LAMA3: variants seen among roughly 807,000 people sequenced by gnomAD.
The protein encoded by LAMA3 is laminin subunit alpha 3, also known as laminin subunit alpha-3.
In LAMA3, 281 loss-of-function variants were observed where a neutral mutation model predicts 402.0. The observed-to-expected ratio is 0.70, with a 90% CI of 0.63 to 0.77. The LOEUF is 0.77. LAMA3 is among the 30% of genes least tolerant of loss of function. The probability of loss-of-function intolerance (pLI) is 0.00; values close to 1 mark genes in which losing one functional copy is unlikely to be tolerated. For synonymous variants in LAMA3, 1,431 were observed against 1,558.4 expected (o/e 0.92, Z 1.93); for missense variants, 3,840 against 4,215.5 (o/e 0.91, Z 2.47).
chr18:23,780,491 A>G (rs907258976), intron 11 of LAMA3, among the ~76,000 whole-genome samples: 13 of 152,222 alleles, frequency 8.5e-5, no homozygotes, highest in African/African-American at 2.6e-4. Flanking sequence ...CCGTGGGGCT[A>G]GGAGAGAGGG....
intron 2 of LAMA3, among the ~76,000 whole-genome samples, chr18:23,737,333 C>A (rs962432449): frequency 6.6e-6 from 1 of 152,200 alleles, no homozygotes; most frequent in Non-Finnish European, 1.5e-5. Context: ...GGGGCGGAAA[C>A]CCAGTTCTGT....
At chr18:23,927,171 G>T (rs993417012) in intron 62 of LAMA3, among the ~76,000 whole-genome samples, 4 of 151,978 alleles carry the variant, frequency 2.6e-5, no homozygotes, top group African/African-American at 4.8e-5. Context: ...TGTTTTTTTG[G>T]TTTTGTTTTT....
intron 12 of LAMA3, among the ~76,000 whole-genome samples, chr18:23,809,531 T>A (rs536907054): frequency 6.6e-6 from 1 of 152,304 alleles, no homozygotes; most frequent in East Asian, 1.9e-4. Flanking sequence ...GAAGGGTTTT[T>A]GCAATGCAAA....
In LAMA3 at chr18:23,921,494, A is replaced by C. The variant is rs767603668; in HGVS notation, c.8086A>C (p.Asn2696His). Residue 2696 changes from asparagine to histidine, a missense_variant, in exon 62 of 75, where the codon AAT becomes CAT. Physicochemically the swap from Asn to His is moderately conservative, Grantham distance 68. This residue lies in a region of LAMA3 where 840 missense variants were observed against 981.9 expected (regional missense o/e 0.86). Coordinates refer to ENST00000313654, the MANE Select transcript of LAMA3 (RefSeq NM_198129.4). ...IGKLQKRMWI[N>H]VDVQNTIIDG... ...AAAACTCCAAAAGCGTATGTGGATA[A>C]ATGTGGACGTTCAAAACACTATAAT... 1 of 1,613,918 alleles carries C rather than the reference A, an allele frequency of 6.2e-7. No individual in the cohort carries two copies. The highest frequency in any genetic ancestry group is 8.5e-7 in the Non-Finnish European group (1 of 1,179,834).
intron 52 of LAMA3, among the ~76,000 whole-genome samples, chr18:23,907,029 C>G (rs1599059936): frequency 1.3e-5 from 2 of 152,322 alleles, no homozygotes; most frequent in Admixed American, 1.3e-4. Flanking sequence ...ACAAACAGTG[C>G]CTACTTTGTG....
In LAMA3 at chr18:23,899,037, G is replaced by A; in HGVS notation, c.5808G>A (p.Lys1936=). Residue 1936 remains lysine (K), a synonymous_variant, in exon 46 of 75, where the codon AAG becomes AAA. Transcript: ENST00000313654. ...AAAGCGCAAAAGAACTGGATGTGAA[G>A]ATTAAAAATGTCATCCGGAATGTGC... ...ATQSAKELDV[K]IKNVIRNVHI... is the part of the protein sequence containing the mutation. 1.2e-6 allele frequency: 2 copies of A among 1,613,682 alleles called. No individual in the cohort carries two copies. Among genetic ancestry groups the A allele is most frequent in the South Asian group, 2.2e-5 (2 of 91,060 alleles).
Position 23,689,736 on chromosome 18 carries a change from C to A in LAMA3, c.53C>A (p.Pro18Gln), listed in dbSNP as rs748928607. ...RGRALGPVLP[P>Q]TPLLLLVLRV... is the part of the protein sequence containing the mutation. Reference sequence around the variant, plus strand: ...CGGGCACTGGGGCCAGTACTGCCGCCGACGCCGCTGCTCCTGCTGGTACTG... The same window carrying A: ...CGGGCACTGGGGCCAGTACTGCCGCAGACGCCGCTGCTCCTGCTGGTACTG... Residue 18 changes from proline (P) to glutamine (Q), a missense_variant, in exon 1 of 75, where the codon CCG becomes CAG. Pro to Gln is a moderately conservative substitution (Grantham distance 76, BLOSUM62 -1). Transcript: ENST00000313654. 5 of 1,492,762 alleles carry A rather than the reference C, an allele frequency of 3.3e-6. No individual in the cohort carries two copies. The East Asian group carries it at 1.4e-4, about 41-fold the overall frequency. The allele number at this position is 1,492,762 out of a possible 1,614,324, so 92.5% of individuals were successfully genotyped here.
intron 12 of LAMA3, among the ~76,000 whole-genome samples, chr18:23,786,757 A>G (rs1338855854): frequency 2.6e-5 from 4 of 152,270 alleles, no homozygotes; most frequent in Non-Finnish European, 5.9e-5. Flanking sequence ...GAATTAAAGG[A>G]AGGTATGATG....
At position 23,904,050 on chromosome 18, in the gene LAMA3, G is replaced by C; in HGVS notation, c.6436G>C (p.Ala2146Pro). 3.7e-6 allele frequency: 6 copies of C among 1,614,024 alleles called. No individual in the cohort carries two copies. Among genetic ancestry groups the C allele is most frequent in the Non-Finnish European group, 5.1e-6 (6 of 1,180,054 alleles). ...CCTTGTGGAGGAGGCAGAAAAGCACGCGCGGTCCTTACAAGAGCTGGCAAA... is the reference window on the plus strand; with the variant it reads ...CCTTGTGGAGGAGGCAGAAAAGCACCCGCGGTCCTTACAAGAGCTGGCAAA... The part of the protein sequence containing the change: ...TSLVEEAEKH[A>P]RSLQELAKQL... Residue 2146 changes from alanine to proline, a missense_variant, in exon 50 of 75, where the codon GCG becomes CCG. This residue lies in a region of LAMA3 where 891 missense variants were observed against 857.5 expected (regional missense o/e 1.04). Coordinates refer to ENST00000313654, the MANE Select transcript of LAMA3 (RefSeq NM_198129.4).
intron 1 of LAMA3, among the ~76,000 whole-genome samples, chr18:23,700,222 A>C (rs1279524328): frequency 6.6e-6 from 1 of 152,034 alleles, no homozygotes; most frequent in African/African-American, 2.4e-5. Context: ...TTTCTTAATA[A>C]ACTTGCTTTT....
At chr18:23,834,333 C>A (rs2063542880) in intron 24 of LAMA3, 2 of 343,324 alleles carry the variant, frequency 5.8e-6, no homozygotes, top group South Asian at 5.0e-5. Context: ...GTGTCAAGTA[C>A]CTGGGTGCAT....
At chr18:23,708,841 A>G (rs1031748690) in intron 1 of LAMA3, among the ~76,000 whole-genome samples, 1 of 150,872 alleles carries the variant, frequency 6.6e-6, no homozygotes, top group Non-Finnish European at 1.5e-5. Flanking sequence ...ACTATACTAC[A>G]GCCTCAAGCT....
intron 9 of LAMA3, among the ~76,000 whole-genome samples, chr18:23,775,335 A>G (rs1376496533): frequency 6.6e-6 from 1 of 152,190 alleles, no homozygotes; most frequent in Non-Finnish European, 1.5e-5. Flanking sequence ...TCTGCTGTCC[A>G]CAGACTCTAT....
rs2062944720 is a variant in LAMA3, at chr18:23,805,452, T to G, written c.1604-4914T>G. 2.6e-5 allele frequency among the ~76,000 whole-genome samples: 4 copies of G among 152,292 alleles called. 1 individual carries two copies. The highest frequency in any genetic ancestry group is 5.9e-5 in the Non-Finnish European group (4 of 68,014). ...CCTAGGTAGAGGCAGTTCTAATGGC[T>G]TCCACTTGGCCTTTTCCATCATAAT... On this transcript the variant is annotated intron_variant, in intron 12 of 74. Transcript: ENST00000313654.
At chr18:23,692,395 C>T (rs1002660207) in intron 1 of LAMA3, among the ~76,000 whole-genome samples, 1 of 152,202 alleles carries the variant, frequency 6.6e-6, no homozygotes, top group Non-Finnish European at 1.5e-5. Flanking sequence ...CCTCAGCCTC[C>T]CGAGTAGCTG....
At chr18:23,935,981 T>C (rs1334189979) in intron 67 of LAMA3, among the ~76,000 whole-genome samples, 2 of 151,950 alleles carry the variant, frequency 1.3e-5, no homozygotes, top group Non-Finnish European at 1.5e-5. Context: ...AGGATGTGGC[T>C]GGGACTCACG....
At chr18:23,871,127 T>A (rs2064504288) in intron 37 of LAMA3, among the ~76,000 whole-genome samples, 1 of 152,220 alleles carries the variant, frequency 6.6e-6, no homozygotes, top group African/African-American at 2.4e-5. Context: ...TCTTTCTCAC[T>A]CACCTTATGT....
chr18:23,749,629 C>T, intron 4 of LAMA3, 83 bp downstream of exon 4: 1 of 869,360 alleles, frequency 1.2e-6, no homozygotes, highest in East Asian at 2.4e-5. Context: ...GCGAAACTTG[C>T]ACTTTCAAGG....
intron 1 of LAMA3, 21 bp downstream of exon 1, chr18:23,689,998 C>T: frequency 7.1e-7 from 1 of 1,410,838 alleles, no homozygotes; most frequent in Middle Eastern, 2.1e-4. Context: ...CGGAGAGAGC[C>T]GGGGTGGGCG....
Sources: allele counts gnomAD v4.1 joint callset (sites outside exome capture counted in the v4.1 genomes callset), GRCh38; gene constraint gnomAD v4.1.1; regional missense constraint gnomAD v4.1.1; transcripts MANE v1.5; gene names NCBI Gene and HGNC (gene_info 2026-07-23, HGNC 2026-07-21).